MAN2A1: variants seen among roughly 807,000 people sequenced by gnomAD.
The protein encoded by MAN2A1 is alpha-mannosidase 2.
Under a neutral mutation model 142.6 loss-of-function variants are expected in MAN2A1, and 76 were observed. The observed-to-expected ratio is 0.53, with a 90% confidence interval of 0.44 to 0.65. MAN2A1 has a LOEUF of 0.65. MAN2A1 is among the 30% of genes least tolerant of loss of function. The pLI, the probability that MAN2A1 is intolerant of heterozygous loss-of-function variation, is 0.00. For missense variants in MAN2A1, 1,311 were observed against 1,365.1 expected (o/e 0.96, Z 0.62); for synonymous variants, 559 against 473.2 (o/e 1.18, Z -2.35).
At chr5:109,732,359 T>C (rs980679554) in intron 4 of MAN2A1, among the ~76,000 whole-genome samples, 1 of 152,192 alleles carries the variant, frequency 6.6e-6, no homozygotes, top group Non-Finnish European at 1.5e-5. Context: ...AGAAGCTCTT[T>C]AATTTAATTA....
At chr5:109,700,043 G>A (rs1408782842) in intron 1 of MAN2A1, among the ~76,000 whole-genome samples, 1 of 152,136 alleles carries the variant, frequency 6.6e-6, no homozygotes, top group African/African-American at 2.4e-5. Flanking sequence ...TCCAGCTGGT[G>A]AGAATCATGC....
chr5:109,822,144 T>G (rs574830580), intron 15 of MAN2A1, among the ~76,000 whole-genome samples: 13 of 146,162 alleles, frequency 8.9e-5, no homozygotes, highest in Non-Finnish European at 1.8e-4. Flanking sequence ...TTGTTTTTGG[T>G]TTTTTTTTTG....
chr5:109,799,879 G>A (rs953316434), intron 12 of MAN2A1, among the ~76,000 whole-genome samples: 2 of 152,098 alleles, frequency 1.3e-5, no homozygotes, highest in Admixed American at 6.5e-5. Flanking sequence ...CCTGAGGTCA[G>A]GAGTTTGAGA....
Position 109,710,080 on chromosome 5 carries a change from TA to T in MAN2A1, c.136-3438del, listed in dbSNP as rs943317586. ...GGAGACTTTATTCCACCGCATAATA[TA>T]ATTTTAAAAATGATGTTCTTTAGAC... On this transcript the variant is annotated intron_variant, in intron 1 of 21. Coordinates refer to ENST00000261483, the MANE Select transcript of MAN2A1 (RefSeq NM_002372.4). Among the ~76,000 whole-genome samples the T allele has an allele frequency of 4.6e-5, 7 of 152,202 alleles. 1 individual carries two copies. The highest frequency in any genetic ancestry group is 3.9e-4 in the Admixed American group (6 of 15,262).
rs766999792 is a variant in MAN2A1, at chr5:109,839,934, CT to C, written c.2567-2379del. ...TGCCTACACTAACAGCATTTACATTCTTTTTTTTTTTTTTTAACAGAAATGT... is the reference window on the plus strand; with the variant it reads ...TGCCTACACTAACAGCATTTACATTCTTTTTTTTTTTTTTAACAGAAATGT... On this transcript the variant is annotated intron_variant, in intron 16 of 21. Transcript: ENST00000261483. Among the ~76,000 whole-genome samples, 1,097 of 139,808 alleles carry C rather than the reference CT, an allele frequency of 7.8e-3. 3 individuals carry two copies. The highest frequency in any genetic ancestry group is 0.026 in the Middle Eastern group (7 of 270). The allele number at this position is 139,808 out of a possible 152,430, so 91.7% of individuals were successfully genotyped here. A position where few individuals can be genotyped will look rare whatever the true frequency, so the allele number is the denominator to read the frequency against.
intron 5 of MAN2A1, among the ~76,000 whole-genome samples, chr5:109,759,765 G>C (rs899480887): frequency 2.0e-5 from 3 of 152,048 alleles, no homozygotes; most frequent in Admixed American, 6.6e-5. Flanking sequence ...AGTGTTTGCT[G>C]TGTGAGTCTT....
At chr5:109,859,327 A>G (rs1755699035) in intron 20 of MAN2A1, among the ~76,000 whole-genome samples, 1 of 152,222 alleles carries the variant, frequency 6.6e-6, no homozygotes, top group South Asian at 2.1e-4. Flanking sequence ...ATATAGACAT[A>G]TCTTGCTTTT....
At chr5:109,743,666 C>G (rs2284990) in intron 4 of MAN2A1, among the ~76,000 whole-genome samples, 1 of 152,054 alleles carries the variant, frequency 6.6e-6, no homozygotes, top group Non-Finnish European at 1.5e-5. Flanking sequence ...GACTCTGACC[C>G]CTGCTTTTCG....
At chr5:109,704,406 A>T (rs917410127) in intron 1 of MAN2A1, among the ~76,000 whole-genome samples, 7 of 152,210 alleles carry the variant, frequency 4.6e-5, no homozygotes, top group Non-Finnish European at 5.9e-5. Flanking sequence ...GGCTGCACAA[A>T]GACAAATTGC....
chr5:109,792,187 T>C (rs1447710254), intron 12 of MAN2A1, among the ~76,000 whole-genome samples: 2 of 152,136 alleles, frequency 1.3e-5, no homozygotes, highest in Non-Finnish European at 2.9e-5. Flanking sequence ...CCATACATGC[T>C]TTCCTTTTGG....
intron 9 of MAN2A1, among the ~76,000 whole-genome samples, chr5:109,782,509 T>C (rs1239890036): frequency 2.0e-5 from 3 of 152,200 alleles, no homozygotes; most frequent in African/African-American, 7.2e-5. Flanking sequence ...CCCAAAGTTT[T>C]CTCTATGTAT....
intron 3 of MAN2A1, among the ~76,000 whole-genome samples, chr5:109,728,230 C>T (rs1751799822): frequency 6.6e-6 from 1 of 152,150 alleles, no homozygotes; most frequent in Admixed American, 6.5e-5. Context: ...TTTGTCTTCT[C>T]TGCCCTGGCA....
rs151295232 is a variant in MAN2A1, at chr5:109,790,874, G to A, written c.1943+1347G>A. Among the ~76,000 whole-genome samples, 150 of 152,118 alleles carry A rather than the reference G, an allele frequency of 9.9e-4. 1 individual carries two copies. The highest frequency in any genetic ancestry group is 3.5e-3 in the African/African-American group (146 of 41,532). Reference sequence around the variant, plus strand: ...TGCTGGGTGCAGTGAGGCAGGGCTGGAACCATAATAGGTCAGAAGAAAAGA... The same window carrying A: ...TGCTGGGTGCAGTGAGGCAGGGCTGAAACCATAATAGGTCAGAAGAAAAGA... On this transcript the variant is annotated intron_variant, in intron 12 of 21. Transcript: ENST00000261483.
chr5:109,756,544 A>G (rs1010494963), intron 5 of MAN2A1, among the ~76,000 whole-genome samples: 1 of 152,188 alleles, frequency 6.6e-6, no homozygotes, highest in African/African-American at 2.4e-5. Flanking sequence ...ATGTATAAGA[A>G]TACTGCAAAA....
At chr5:109,786,758 A>G (rs996254383) in intron 10 of MAN2A1, among the ~76,000 whole-genome samples, 5 of 152,074 alleles carry the variant, frequency 3.3e-5, no homozygotes, top group African/African-American at 1.2e-4. Context: ...ACTACTATTC[A>G]TTCAAATTTG....
At position 109,735,548 on chromosome 5, in the gene MAN2A1, G is replaced by GC; in HGVS notation, c.707+6038dup. 1.3e-5 allele frequency among the ~76,000 whole-genome samples: 2 copies of GC among 152,136 alleles called. 1 individual carries two copies. Among genetic ancestry groups the GC allele is most frequent in the Non-Finnish European group, 2.9e-5 (2 of 68,020 alleles). On this transcript the variant is annotated intron_variant, in intron 4 of 21. Coordinates refer to ENST00000261483, the MANE Select transcript of MAN2A1 (RefSeq NM_002372.4). ...TCCATGTTTAGTGCTTCCTTCAGGA[G>GC]CCCACTGTCTGGCACTCTCTAGTGA...
rs553338126 is a variant in MAN2A1 at position 109,717,250 on chromosome 5, A to G, written c.535+986A>G. The stretch of plus-strand genomic sequence containing the variant: ...CTTCTACTTACATTTTTTCCCCATT[A>G]GTTTATTGGCAGATATTCCTATTTT... On this transcript the variant is annotated intron_variant, in intron 3 of 21. Transcript: ENST00000261483. Among the ~76,000 whole-genome samples the G allele has an allele frequency of 1.5e-3, 226 of 152,038 alleles. 1 individual carries two copies. Among genetic ancestry groups the G allele is most frequent in the Admixed American group, 3.1e-3 (48 of 15,264 alleles).
At chr5:109,815,189 G>A (rs1754420896) in intron 12 of MAN2A1, among the ~76,000 whole-genome samples, 1 of 152,140 alleles carries the variant, frequency 6.6e-6, no homozygotes, top group Non-Finnish European at 1.5e-5. Context: ...GGCCGTTGCA[G>A]TTAGCCAGGT....
At chr5:109,795,121 T>C (rs1405192906) in intron 12 of MAN2A1, among the ~76,000 whole-genome samples, 1 of 152,182 alleles carries the variant, frequency 6.6e-6, no homozygotes, top group East Asian at 1.9e-4. Flanking sequence ...GTACTAGTGT[T>C]GGAGCAGTCA....
Sources: gnomAD v4.1 joint callset for allele counts (sites outside exome capture counted in the v4.1 genomes callset) on GRCh38, gnomAD v4.1.1 for gene constraint, MANE v1.5 for transcripts, NCBI Gene and HGNC (gene_info 2026-07-23, HGNC 2026-07-21) for gene names.